The following FGGY variants were observed in gnomAD, a reference collection of about 807,000 sequenced individuals.
The protein encoded by FGGY is FGGY carbohydrate kinase domain-containing protein.
FGGY carries 72 observed loss-of-function variants against 71.3 expected under a neutral mutation model. The observed-to-expected ratio is 1.01, with a 90% confidence interval of 0.84 to 1.23. FGGY has a LOEUF of 1.23. Among genes scored for constraint, FGGY ranks in the 50% most tolerant of loss-of-function variants. The pLI, the probability that FGGY is intolerant of heterozygous loss-of-function variation, is 0.00. For synonymous variants in FGGY, 251 were observed against 250.3 expected, an observed-to-expected ratio of 1.00 and a Z score of -0.02; for missense variants, 668 against 682.3, an observed-to-expected ratio of 0.98 and a Z score of 0.23.
chr1:59,607,909 T>G lies in FGGY; in HGVS notation c.1010T>G (p.Leu337Trp). 1 of 1,612,656 alleles carries G rather than the reference T, an allele frequency of 6.2e-7. No homozygotes were observed. The highest frequency in any genetic ancestry group is 8.5e-7 in the Non-Finnish European group (1 of 1,178,762). The change falls in exon 9 of 16, where the codon TTG (leucine) becomes TGG (tryptophan). Residue 337 changes from leucine (L) to tryptophan (W), a missense_variant and splice_region_variant. Physicochemically the swap from Leu to Trp is moderately conservative, Grantham distance 61 (BLOSUM62 -2). This residue lies in a region of FGGY where 661 missense variants were observed against 661.6 expected (regional missense o/e 1.00). Transcript: ENST00000303721. ...GGTGGTCAGAGCGTTACTGGAAAAT[T>G]GGTAAGTTGACACTTTCTCAATAGG... ...NEGGQSVTGKLIDHMVQGHAA... is the reference protein window; with the variant it reads ...NEGGQSVTGKWIDHMVQGHAA...
At chr1:59,618,488 AT>A (rs1204050428) in intron 9 of FGGY, among the ~76,000 whole-genome samples, 5 of 152,074 alleles carry the variant, frequency 3.3e-5, no homozygotes, top group Non-Finnish European at 7.4e-5. Context: ...GTGGAGGTGC[AT>A]TTCTGAGTTT....
chr1:59,487,785 C>T (rs1306929902), intron 6 of FGGY, among the ~76,000 whole-genome samples: 1 of 152,132 alleles, frequency 6.6e-6, no homozygotes, highest in Non-Finnish European at 1.5e-5. Context: ...AAATGCTCTT[C>T]TCACCGCTCC....
intron 7 of FGGY, among the ~76,000 whole-genome samples, chr1:59,534,828 G>A (rs1313790309): frequency 6.6e-6 from 1 of 152,002 alleles, no homozygotes; most frequent in Non-Finnish European, 1.5e-5. Flanking sequence ...GCTCTTGAAG[G>A]AAGTGCTAAA....
intron 7 of FGGY, among the ~76,000 whole-genome samples, chr1:59,525,500 AG>A (rs144464622): frequency 0.013 from 1,948 of 152,312 alleles, 30 homozygotes; most frequent in African/African-American, 0.044. Flanking sequence ...CATAGATTTG[AG>A]TAATAAATGA....
intron 14 of FGGY, among the ~76,000 whole-genome samples, chr1:59,735,246 T>G (rs1394537530): frequency 2.6e-5 from 4 of 152,122 alleles, no homozygotes; most frequent in African/African-American, 9.7e-5. Flanking sequence ...GAGAATCCCT[T>G]TTCCATAGAC....
At chr1:59,331,518 T>G (rs1319766207) in intron 2 of FGGY, among the ~76,000 whole-genome samples, 2 of 152,162 alleles carry the variant, frequency 1.3e-5, no homozygotes, top group East Asian at 3.9e-4. Flanking sequence ...TGAGGTCCAC[T>G]CCTCATGTCT....
intron 6 of FGGY, among the ~76,000 whole-genome samples, chr1:59,484,449 A>G (rs2093599690): frequency 6.6e-6 from 1 of 152,114 alleles, no homozygotes; most frequent in Non-Finnish European, 1.5e-5. Context: ...TGTCTCTGTG[A>G]TGCAGTAGAA....
At chr1:59,398,302 A>C (rs890502156) in intron 5 of FGGY, among the ~76,000 whole-genome samples, 1 of 152,098 alleles carries the variant, frequency 6.6e-6, no homozygotes, top group Non-Finnish European at 1.5e-5. Flanking sequence ...GCAGTGGCAC[A>C]GTCTCAGTGC....
At chr1:59,508,999 G>A (rs2094458205) in intron 6 of FGGY, among the ~76,000 whole-genome samples, 1 of 152,206 alleles carries the variant, frequency 6.6e-6, no homozygotes, top group African/African-American at 2.4e-5. Context: ...TCTGGAGTGA[G>A]TGGTGTCTAT....
intron 8 of FGGY, among the ~76,000 whole-genome samples, chr1:59,597,009 T>C (rs1028503991): frequency 2.0e-5 from 3 of 152,190 alleles, no homozygotes; most frequent in African/African-American, 7.2e-5. Context: ...TAAACACCTC[T>C]CAGTTCATAA....
intron 4 of FGGY, among the ~76,000 whole-genome samples, chr1:59,360,974 C>T (rs1028607340): frequency 6.6e-6 from 1 of 152,094 alleles, no homozygotes; most frequent in Non-Finnish European, 1.5e-5. Flanking sequence ...GCTCAGAAAC[C>T]AAAGTTCAGG....
At chr1:59,638,062 G>A (rs1011777168) in intron 10 of FGGY, among the ~76,000 whole-genome samples, 166 bp from the exon 11 acceptor site, 1 of 152,162 alleles carries the variant, frequency 6.6e-6, no homozygotes, top group African/African-American at 2.4e-5. Flanking sequence ...CACCTTTCTT[G>A]GTGATAGTAC....
At chr1:59,469,320 G>A (rs565819544) in intron 6 of FGGY, among the ~76,000 whole-genome samples, 127 of 152,288 alleles carry the variant, frequency 8.3e-4, no homozygotes, top group African/African-American at 2.6e-3. Flanking sequence ...CAAGGGTGCC[G>A]ATAACTTCTG....
At chr1:59,322,709 A>C (rs773973535) in intron 2 of FGGY, among the ~76,000 whole-genome samples, 1 of 152,278 alleles carries the variant, frequency 6.6e-6, no homozygotes, top group Non-Finnish European at 1.5e-5. Flanking sequence ...CTTGGATTGG[A>C]TGCAGCCTGC....
At chr1:59,373,294 C>G (rs28816981) in intron 4 of FGGY, among the ~76,000 whole-genome samples, 1 of 151,866 alleles carries the variant, frequency 6.6e-6, no homozygotes, top group African/African-American at 2.4e-5. Context: ...CATGAGTGAA[C>G]TCCCATTCAC....
rs143909755 is a variant in FGGY at position 59,591,477 on chromosome 1, G to C, written c.904-16326G>C. ...ATGGAACCAAAAAAGAGCCCGCATC[G>C]CCAAGTCAATCCTAAGCCAAAAGAA... On this transcript the variant is annotated intron_variant, in intron 8 of 15. Transcript: ENST00000303721. Among the ~76,000 whole-genome samples the C allele has an allele frequency of 2.6e-5, 4 of 151,030 alleles. No individual in the cohort carries two copies. The South Asian group carries it at 6.6e-4, about 25-fold the overall frequency.
intron 6 of FGGY, among the ~76,000 whole-genome samples, chr1:59,481,710 C>T (rs565725800): frequency 9.2e-5 from 14 of 152,112 alleles, no homozygotes; most frequent in African/African-American, 2.2e-4. Context: ...TGAGACATAC[C>T]GTTGTACAAT....
At chr1:59,761,922 G>A (rs1158122649) in intron 15 of FGGY, among the ~76,000 whole-genome samples, 1 of 152,214 alleles carries the variant, frequency 6.6e-6, no homozygotes, top group Non-Finnish European at 1.5e-5. Flanking sequence ...AATACTTATT[G>A]AAGCTGGCAA....
chr1:59,475,493 C>T (rs1248804702), intron 6 of FGGY, among the ~76,000 whole-genome samples: 1 of 152,128 alleles, frequency 6.6e-6, no homozygotes, highest in Non-Finnish European at 1.5e-5. Context: ...CTTTTTTCTT[C>T]CACCAAACTT....
Sources: gnomAD v4.1 joint callset for allele counts (sites outside exome capture counted in the v4.1 genomes callset) on GRCh38, gnomAD v4.1.1 for gene constraint, gnomAD v4.1.1 regional missense constraint, MANE v1.5 for transcripts, NCBI Gene and HGNC (gene_info 2026-07-23, HGNC 2026-07-21) for gene names.